KIAA0825: variants seen among roughly 807,000 people sequenced by gnomAD.
KIAA0825 encodes uncharacterized protein KIAA0825.
KIAA0825 carries 119 observed loss-of-function variants against 147.6 expected under a neutral mutation model. The observed-to-expected ratio is 0.81, with a 90% CI of 0.69 to 0.94. KIAA0825 has a LOEUF of 0.94. KIAA0825 is among the 40% of genes least tolerant of loss of function. The probability of loss-of-function intolerance (pLI) is 0.00; values close to 1 mark genes in which losing one functional copy is unlikely to be tolerated. For synonymous variants in KIAA0825, 470 were observed against 518.1 expected, an observed-to-expected ratio of 0.91 and a Z score of 1.26; for missense variants, 1,381 against 1,472.7, an observed-to-expected ratio of 0.94 and a Z score of 1.02.
chr5:94,495,645 T>C (rs1400788209), intron 5 of KIAA0825, among the ~76,000 whole-genome samples: 2 of 152,170 alleles, frequency 1.3e-5, no homozygotes, highest in African/African-American at 4.8e-5. Flanking sequence ...TGAGAATAAA[T>C]TTACTTCTCT....
In KIAA0825 at chr5:94,439,981, C is replaced by G. The variant is rs910012762; in HGVS notation, c.2497+1G>C. On this transcript the variant is annotated splice_donor_variant, in intron 14 of 20. Coordinates refer to ENST00000682413, the MANE Select transcript of KIAA0825 (RefSeq NM_001145678.3). LOFTEE classifies it high-confidence loss of function. ...ACATTCTTATAACTACACATACTCA[C>G]TTGAGCTCTTCAGCAAGATTCTCAG... is the stretch of plus-strand genomic sequence containing the variant. 1.3e-5 allele frequency: 20 copies of G among 1,551,368 alleles called. No homozygotes were observed. Among genetic ancestry groups the G allele is most frequent in the Non-Finnish European group, 1.7e-5 (20 of 1,146,692 alleles).
At chr5:94,278,250 G>A (rs555924775) in intron 20 of KIAA0825, among the ~76,000 whole-genome samples, 2 of 152,156 alleles carry the variant, frequency 1.3e-5, no homozygotes, top group East Asian at 3.9e-4. Context: ...TGCAAGTTCA[G>A]CACATGTATG....
intron 20 of KIAA0825, among the ~76,000 whole-genome samples, chr5:94,348,998 C>T (rs1168321290): frequency 1.3e-5 from 2 of 152,076 alleles, no homozygotes; most frequent in East Asian, 1.9e-4. Context: ...TTAAAAGACA[C>T]AGAACTGCAG....
At chr5:94,524,314 T>C (rs1287881332) in intron 3 of KIAA0825, among the ~76,000 whole-genome samples, 2 of 151,576 alleles carry the variant, frequency 1.3e-5, no homozygotes, top group Non-Finnish European at 3.0e-5. Flanking sequence ...AGAGGAAATA[T>C]AAAATAGCTA....
At chr5:94,477,856 T>C (rs868304469) in intron 6 of KIAA0825, among the ~76,000 whole-genome samples, 1 of 152,176 alleles carries the variant, frequency 6.6e-6, no homozygotes, top group Non-Finnish European at 1.5e-5. Flanking sequence ...AAAAATGTAA[T>C]AAATAACTAC....
rs1257092643 is a variant in KIAA0825 at position 94,353,304 on chromosome 5, A to G, written c.3710+31064T>C. On this transcript the variant is annotated intron_variant, in intron 20 of 20. Coordinates refer to ENST00000682413, the MANE Select transcript of KIAA0825 (RefSeq NM_001145678.3). ...TGAAGTCTTCAATTTTCTACATACC[A>G]TTTACAGAGGTTTTACTGGGTATCA... Among the ~76,000 whole-genome samples, 4 of 152,298 alleles carry G rather than the reference A, an allele frequency of 2.6e-5. No individual in the cohort carries two copies. The East Asian group carries it at 5.8e-4, about 22-fold the overall frequency.
chr5:94,174,510 G>A (rs1010014803), intron 20 of KIAA0825, among the ~76,000 whole-genome samples: 1 of 152,030 alleles, frequency 6.6e-6, no homozygotes, highest in Admixed American at 6.6e-5. Context: ...GGCTTAAAGT[G>A]TAAAAAATTC....
chr5:94,381,160 G>T (rs1265212749), intron 20 of KIAA0825, among the ~76,000 whole-genome samples: 3 of 152,164 alleles, frequency 2.0e-5, no homozygotes, highest in Non-Finnish European at 4.4e-5. Flanking sequence ...CCTCACTAGT[G>T]GTTTAGGCCT....
chr5:94,545,425 A>C (rs1290475483), intron 2 of KIAA0825, among the ~76,000 whole-genome samples: 2 of 152,166 alleles, frequency 1.3e-5, no homozygotes, highest in Non-Finnish European at 2.9e-5. Flanking sequence ...CCCAGGCAGC[A>C]CAGCTCACAG....
intron 5 of KIAA0825, among the ~76,000 whole-genome samples, chr5:94,511,360 C>T (rs933297166): frequency 9.8e-5 from 15 of 152,336 alleles, no homozygotes; most frequent in African/African-American, 3.1e-4. Context: ...GTGGCTCACA[C>T]CTGTAATCCC....
chr5:94,373,067 C>T (rs556064692), intron 20 of KIAA0825, among the ~76,000 whole-genome samples: 1 of 152,318 alleles, frequency 6.6e-6, no homozygotes, highest in South Asian at 2.1e-4. Flanking sequence ...GCCTGGACTT[C>T]ATTGTCCGTA....
chr5:94,537,597 G>A (rs1053913276), intron 2 of KIAA0825, among the ~76,000 whole-genome samples: 24 of 149,330 alleles, frequency 1.6e-4, no homozygotes, highest in South Asian at 1.3e-3. Context: ...GCAGTGAGCC[G>A]CGATTGCGCC....
At chr5:94,612,972 A>G (rs1789307373) in intron 1 of KIAA0825, among the ~76,000 whole-genome samples, 1 of 152,234 alleles carries the variant, frequency 6.6e-6, no homozygotes, top group African/African-American at 2.4e-5. Context: ...TTACAGATGA[A>G]GAAATTGTGG....
chr5:94,364,347 G>A (rs1012829555), intron 20 of KIAA0825, among the ~76,000 whole-genome samples: 4 of 151,658 alleles, frequency 2.6e-5, no homozygotes, highest in Non-Finnish European at 4.4e-5. Context: ...TCATTAACAC[G>A]GAGCTCTCAT....
intron 20 of KIAA0825, among the ~76,000 whole-genome samples, chr5:94,354,580 GA>G (rs1784044603): frequency 1.3e-5 from 2 of 151,860 alleles, no homozygotes; most frequent in Non-Finnish European, 2.9e-5. Context: ...AAAAAAATAA[GA>G]AAACATGACA....
intron 20 of KIAA0825, among the ~76,000 whole-genome samples, chr5:94,205,221 C>T (rs1395328215): frequency 1.4e-5 from 2 of 145,882 alleles, no homozygotes; most frequent in African/African-American, 5.1e-5. Context: ...TATTTTTACA[C>T]TCTCAGGATT....
intron 15 of KIAA0825, chr5:94,414,697 T>C (rs1487230282): frequency 2.0e-5 from 3 of 152,224 alleles, no homozygotes; most frequent in African/African-American, 7.2e-5. Context: ...TAACATGGCC[T>C]AGGACAGGGT....
intron 20 of KIAA0825, among the ~76,000 whole-genome samples, chr5:94,326,831 C>A (rs1199167750): frequency 6.6e-6 from 1 of 152,140 alleles, no homozygotes; most frequent in Middle Eastern, 3.2e-3. Context: ...TACCCCCTAG[C>A]GGGGGCACAA....
At chr5:94,417,011 T>C (rs770741048) in intron 15 of KIAA0825, 190 bp downstream of exon 15, 10 of 498,166 alleles carry the variant, frequency 2.0e-5, no homozygotes, top group African/African-American at 3.8e-5. Flanking sequence ...TGTCCCAAAG[T>C]ATATGAAATT....
Sources: allele counts gnomAD v4.1 joint callset (sites outside exome capture counted in the v4.1 genomes callset), GRCh38; gene constraint gnomAD v4.1.1; transcripts MANE v1.5; gene names NCBI Gene and HGNC (gene_info 2026-07-23, HGNC 2026-07-21).